Variants in HSD17B3 observed in about 807,000 individuals in gnomAD.
HSD17B3 encodes the protein hydroxysteroid 17-beta dehydrogenase 3.
A neutral mutation model predicts 41.1 loss-of-function variants in HSD17B3; 29 were observed. The observed-to-expected ratio is 0.71, with a 90% confidence interval of 0.53 to 0.96. The LOEUF (loss-of-function observed/expected upper bound fraction) is 0.96, where lower values mean the gene tolerates loss of function less well. Among genes scored for constraint, HSD17B3 ranks in the 40% least tolerant of loss-of-function variants. The probability of loss-of-function intolerance (pLI) is 0.00; values close to 1 mark genes in which losing one functional copy is unlikely to be tolerated. For missense variants in HSD17B3, 323 were observed against 374.6 expected, an observed-to-expected ratio of 0.86 and a Z score of 1.14; for synonymous variants, 126 against 145.6, an observed-to-expected ratio of 0.87 and a Z score of 0.97.
intron 4 of HSD17B3, among the ~76,000 whole-genome samples, chr9:96,252,176 A>G (rs1363777075): frequency 6.6e-6 from 1 of 152,188 alleles, no homozygotes; most frequent in Non-Finnish European, 1.5e-5. Flanking sequence ...CTTTAGGCCA[A>G]TGTTTCTGGG....
intron 5 of HSD17B3, 23 bp downstream of exon 5, chr9:96,251,395 T>C (rs1008525995): frequency 6.2e-7 from 1 of 1,607,240 alleles, no homozygotes. Flanking sequence ...GAGGAATCTA[T>C]ACACAGAAGA....
intron 2 of HSD17B3, among the ~76,000 whole-genome samples, chr9:96,295,803 A>G (rs1827337675): frequency 6.6e-6 from 1 of 152,076 alleles, no homozygotes; most frequent in Non-Finnish European, 1.5e-5. Context: ...AGTTGAATGC[A>G]TTTTTCATAT....
intron 2 of HSD17B3, among the ~76,000 whole-genome samples, chr9:96,296,899 C>T (rs1827381315): frequency 1.3e-5 from 2 of 151,842 alleles, no homozygotes; most frequent in South Asian, 4.2e-4. Flanking sequence ...AATACATGAG[C>T]CTGTAGTTCC....
chr9:96,242,314 C>T (rs1836489826), intron 9 of HSD17B3, among the ~76,000 whole-genome samples: 1 of 152,164 alleles, frequency 6.6e-6, no homozygotes, highest in South Asian at 2.1e-4. Context: ...GTTGACAAAA[C>T]ACCTGTATGT....
chr9:96,249,622 G>T, intron 6 of HSD17B3, 129 bp downstream of exon 6: 2 of 799,296 alleles, frequency 2.5e-6, no homozygotes, highest in South Asian at 1.4e-5. Context: ...CCACGACATG[G>T]CCTCTCAACT....
At chr9:96,254,809 G>A in intron 3 of HSD17B3, 59 bp downstream of exon 3, 2 of 1,421,512 alleles carry the variant, frequency 1.4e-6, no homozygotes, top group Non-Finnish European at 2.0e-6. Context: ...CTGGCATGGT[G>A]GGAGCAGGCT....
chr9:96,236,159 C>G (rs1373710835), intron 10 of HSD17B3, among the ~76,000 whole-genome samples: 1 of 151,612 alleles, frequency 6.6e-6, no homozygotes, highest in Non-Finnish European at 1.5e-5. Flanking sequence ...CCCTGACTTA[C>G]TTTTTCTCTT....
intron 1 of HSD17B3, among the ~76,000 whole-genome samples, chr9:96,301,296 G>A (rs1258767114): frequency 1.3e-5 from 2 of 151,826 alleles, no homozygotes; most frequent in African/African-American, 4.8e-5. Flanking sequence ...TAATAAGCAG[G>A]GGCTGGGTGC....
chr9:96,275,562 A>G (rs1314745059), intron 2 of HSD17B3, among the ~76,000 whole-genome samples: 2 of 151,998 alleles, frequency 1.3e-5, no homozygotes, highest in African/African-American at 4.8e-5. Context: ...CCTGGGTGAC[A>G]GAGTGAGACC....
intron 3 of HSD17B3, among the ~76,000 whole-genome samples, 174 bp downstream of exon 3, chr9:96,254,694 T>C (rs541991479): frequency 6.6e-6 from 1 of 152,344 alleles, no homozygotes; most frequent in South Asian, 2.1e-4. Context: ...CAGTGTGCAC[T>C]AAAGCTGACA....
intron 7 of HSD17B3, among the ~76,000 whole-genome samples, chr9:96,245,812 C>T (rs556944174): frequency 3.9e-5 from 6 of 152,292 alleles, no homozygotes; most frequent in African/African-American, 1.2e-4. Flanking sequence ...CTGCCGGTCC[C>T]TTTGGACTCA....
At chr9:96,275,510 G>A (rs990414172) in intron 2 of HSD17B3, among the ~76,000 whole-genome samples, 1 of 152,046 alleles carries the variant, frequency 6.6e-6, no homozygotes, top group African/African-American at 2.4e-5. Flanking sequence ...AGCCTGGGAA[G>A]TGGAGGTTGC....
At chr9:96,246,239 C>G in intron 7 of HSD17B3, among the ~76,000 whole-genome samples, 1 of 152,176 alleles carries the variant, frequency 6.6e-6, no homozygotes, top group East Asian at 1.9e-4. Context: ...GTCTTGATCT[C>G]GGGCCAACTT....
chr9:96,258,692 G>A (rs1825752826), intron 2 of HSD17B3, among the ~76,000 whole-genome samples: 1 of 152,014 alleles, frequency 6.6e-6, no homozygotes, highest in South Asian at 2.1e-4. Flanking sequence ...ATTGAGGTAG[G>A]GATATTTAGG....
chr9:96,251,124 TA>T, intron 5 of HSD17B3: 1 of 451,658 alleles, frequency 2.2e-6, no homozygotes, highest in Non-Finnish European at 4.0e-6. Flanking sequence ...TAGGCAGAAT[TA>T]CCCTTTATAA....
intron 2 of HSD17B3, among the ~76,000 whole-genome samples, chr9:96,297,086 A>G (rs1344822572): frequency 6.6e-6 from 1 of 151,874 alleles, no homozygotes; most frequent in Non-Finnish European, 1.5e-5. Flanking sequence ...CTAATGTAAC[A>G]TTTAAAAAAT....
At position 96,273,385 on chromosome 9, in the gene HSD17B3, T is replaced by C. The variant is rs142054617; in HGVS notation, c.202-18442A>G. On this transcript the variant is annotated intron_variant, in intron 2 of 10. Transcript: ENST00000375263. ...ACACATAGAAATGCATGGAAAGCAA[T>C]TGTATCTGTGTCACCCCATCTCCCA... 2.7e-3 allele frequency among the ~76,000 whole-genome samples: 412 copies of C among 152,296 alleles called. 7 individuals are homozygous for C. The highest frequency in any genetic ancestry group is 9.2e-3 in the African/African-American group (381 of 41,568).
intron 2 of HSD17B3, among the ~76,000 whole-genome samples, chr9:96,262,446 G>A (rs919723274): frequency 6.6e-6 from 1 of 151,492 alleles, no homozygotes; most frequent in South Asian, 2.1e-4. Flanking sequence ...GTTTCACGGG[G>A]TTTTGGCCAG....
intron 2 of HSD17B3, among the ~76,000 whole-genome samples, chr9:96,269,069 A>G (rs1419717050): frequency 1.3e-5 from 2 of 149,002 alleles, no homozygotes; most frequent in Non-Finnish European, 3.0e-5. Flanking sequence ...CATAGAGTGC[A>G]CTTACACACA....
Sources: gnomAD v4.1 joint callset for allele counts (sites outside exome capture counted in the v4.1 genomes callset) on GRCh38, gnomAD v4.1.1 for gene constraint, MANE v1.5 for transcripts, NCBI Gene and HGNC (gene_info 2026-07-23, HGNC 2026-07-21) for gene names.